The following XKR9 variants were observed in gnomAD, a reference collection of about 807,000 sequenced individuals.
XKR9 encodes the protein XK related 9.
Under a neutral mutation model 32.0 loss-of-function variants are expected in XKR9, and 32 were observed. That is an observed-to-expected ratio of 1.00 (90% confidence interval 0.76 to 1.34). The LOEUF (loss-of-function observed/expected upper bound fraction) is 1.34. XKR9 is among the 40% of genes most tolerant of loss of function. The pLI is 0.00. For missense variants in XKR9, 546 were observed against 429.7 expected (o/e 1.27, Z -2.39); for synonymous variants, 168 against 143.4 (o/e 1.17, Z -1.22).
At chr8:70,812,530 T>A in the XKR9 span, among the ~76,000 whole-genome samples, 1 of 152,198 alleles carries the variant, frequency 6.6e-6, no homozygotes, top group African/African-American at 2.4e-5. Flanking sequence ...CATGATTGTA[T>A]ATCTAGAAAA....
At chr8:70,896,643 T>C in the XKR9 span, among the ~76,000 whole-genome samples, 7,703 of 152,036 alleles carry the variant, frequency 0.051, 316 homozygotes, top group South Asian at 0.18. Context: ...TTCTTCATTG[T>C]TTTGTTTAAA....
intron 4 of XKR9, among the ~76,000 whole-genome samples, chr8:70,711,001 A>G (rs1805900598): frequency 6.6e-6 from 1 of 152,060 alleles, no homozygotes; most frequent in Admixed American, 6.5e-5. Flanking sequence ...AAGAAGACAT[A>G]CCTGCAGACA....
intron 2 of XKR9, among the ~76,000 whole-genome samples, chr8:70,746,173 G>A (rs914446621): frequency 3.1e-4 from 47 of 150,264 alleles, no homozygotes; most frequent in Admixed American, 6.6e-4. Context: ...ATAATTATAT[G>A]TTATATACAG....
chr8:70,694,597 C>T (rs556790047), intron 3 of XKR9, among the ~76,000 whole-genome samples: 10 of 152,178 alleles, frequency 6.6e-5, no homozygotes, highest in African/African-American at 2.2e-4. Flanking sequence ...CTCAGACTCT[C>T]CAAAGCCTGA....
rs191880753 is a variant in XKR9 at position 70,777,506 on chromosome 8, G to C, written n.353-11833G>C. Among the ~76,000 whole-genome samples the C allele has an allele frequency of 5.8e-3, 884 of 152,214 alleles. 5 individuals are homozygous for C. The highest frequency in any genetic ancestry group is 9.2e-3 in the Non-Finnish European group (623 of 68,016). ...ATTGCTGGGTCAAATGGTATTTCTAGTTCTAGATCCCTGAGGAATCGCCAC... is the reference window on the plus strand; with the variant it reads ...ATTGCTGGGTCAAATGGTATTTCTACTTCTAGATCCCTGAGGAATCGCCAC... On this transcript the variant is annotated intron_variant and non_coding_transcript_variant, in intron 2 of 3. Coordinates refer to the XKR9 transcript ENST00000520273.
At chr8:70,714,328 T>C (rs139931064) in intron 4 of XKR9, among the ~76,000 whole-genome samples, 1,603 of 152,038 alleles carry the variant, frequency 0.011, 27 homozygotes, top group African/African-American at 0.037. Flanking sequence ...AACAAGAAAA[T>C]AAATTACAGC....
At chr8:70,696,343 T>C (rs1247033310) in intron 3 of XKR9, among the ~76,000 whole-genome samples, 1 of 152,224 alleles carries the variant, frequency 6.6e-6, no homozygotes, top group South Asian at 2.1e-4. Flanking sequence ...TTAATCCATC[T>C]TGAATTAATT....
the XKR9 span, among the ~76,000 whole-genome samples, chr8:71,051,496 TTTG>T: frequency 6.7e-6 from 1 of 149,968 alleles, no homozygotes; most frequent in African/African-American, 2.5e-5. Flanking sequence ...GTTTTCATGG[TTTG>T]TTGTTGCTGG....
intron 4 of XKR9, among the ~76,000 whole-genome samples, chr8:70,723,777 C>G (rs1806361602): frequency 6.6e-6 from 1 of 152,090 alleles, no homozygotes; most frequent in South Asian, 2.1e-4. Context: ...GCCTCCCAGT[C>G]AGGAGGCACA....
At chr8:70,980,688 CTTG>C in the XKR9 span, among the ~76,000 whole-genome samples, 6 of 152,042 alleles carry the variant, frequency 3.9e-5, no homozygotes, top group African/African-American at 1.2e-4. Context: ...GCCTGAATAC[CTTG>C]TTTTTCTTTT....
chr8:70,907,229 C>G, the XKR9 span, among the ~76,000 whole-genome samples: 2 of 152,188 alleles, frequency 1.3e-5, no homozygotes, highest in East Asian at 1.9e-4. Flanking sequence ...ACTATTTCAT[C>G]TCTGCTCACT....
chr8:70,740,472 A>T (rs574168065), downstream of XKR9, among the ~76,000 whole-genome samples: 113 of 152,284 alleles, frequency 7.4e-4, no homozygotes, highest in African/African-American at 2.5e-3. Flanking sequence ...TCAACTCGTC[A>T]AAGTCATTCT....
At chr8:70,850,231 G>T in the XKR9 span, among the ~76,000 whole-genome samples, 12 of 152,164 alleles carry the variant, frequency 7.9e-5, no homozygotes, top group South Asian at 2.1e-3. Context: ...GGAGGCTGAG[G>T]CAGGCGGATC....
chr8:70,939,658 A>T, the XKR9 span, among the ~76,000 whole-genome samples: 1 of 152,078 alleles, frequency 6.6e-6, no homozygotes, highest in Non-Finnish European at 1.5e-5. Flanking sequence ...CAGTCCTGAG[A>T]ATTGTAGTAA....
intron 2 of XKR9, among the ~76,000 whole-genome samples, chr8:70,677,537 A>G (rs1818924914): frequency 6.6e-6 from 1 of 152,242 alleles, no homozygotes; most frequent in South Asian, 2.1e-4. Flanking sequence ...GAAAAGAATA[A>G]TATACAATAA....
intron 2 of XKR9, among the ~76,000 whole-genome samples, chr8:70,747,416 T>G (rs1807073827): frequency 6.6e-6 from 1 of 152,208 alleles, no homozygotes; most frequent in Admixed American, 6.5e-5. Flanking sequence ...ATTAATAGGT[T>G]AATACATTAA....
chr8:70,728,314 T>C (rs1231048550), intron 4 of XKR9, among the ~76,000 whole-genome samples: 3 of 152,192 alleles, frequency 2.0e-5, no homozygotes, highest in Non-Finnish European at 4.4e-5. Context: ...AAGACTTCTC[T>C]AACTTCTTCC....
At position 70,717,962 on chromosome 8, in the gene XKR9, A is replaced by G. The variant is rs142323475; in HGVS notation, c.493+10809A>G. Among the ~76,000 whole-genome samples the G allele has an allele frequency of 2.4e-3, 365 of 152,322 alleles. 3 individuals carry two copies. Among genetic ancestry groups the G allele is most frequent in the Non-Finnish European group, 3.2e-3 (217 of 68,020 alleles). On this transcript the variant is annotated intron_variant, in intron 4 of 4. Coordinates refer to ENST00000408926, the MANE Select transcript of XKR9 (RefSeq NM_001011720.2). Reference sequence around the variant, plus strand: ...TCTAGGACAGGGGCAAAATGCTGCCAGTCTCTTTGCATAGCAAGAGTAACC... The same window carrying G: ...TCTAGGACAGGGGCAAAATGCTGCCGGTCTCTTTGCATAGCAAGAGTAACC...
rs1032429389 is a variant in XKR9 at position 70,702,389 on chromosome 8, T to G, written c.273-4544T>G. Among the ~76,000 whole-genome samples the G allele has an allele frequency of 1.3e-5, 2 of 152,144 alleles. 1 individual carries two copies. Among genetic ancestry groups the G allele is most frequent in the Non-Finnish European group, 2.9e-5 (2 of 67,990 alleles). On this transcript the variant is annotated intron_variant, in intron 3 of 4. Coordinates refer to ENST00000408926, the MANE Select transcript of XKR9 (RefSeq NM_001011720.2). The stretch of plus-strand genomic sequence containing the variant: ...ATATTCCATGTGCATTTGAAAAGAA[T>G]TTTTAACTTTCAGTTATTGAACGTA...
Sources: allele counts gnomAD v4.1 joint callset (sites outside exome capture counted in the v4.1 genomes callset), GRCh38; gene constraint gnomAD v4.1.1; transcripts MANE v1.5; gene names NCBI Gene and HGNC (gene_info 2026-07-23, HGNC 2026-07-21).